Variants in BACE2 observed in about 807,000 individuals in gnomAD.
The protein encoded by BACE2 is 56 kDa aspartic-like protease.
BACE2 carries 17 observed loss-of-function variants against 46.2 expected under a neutral mutation model. That is an observed-to-expected ratio of 0.37 (90% CI 0.25 to 0.55). The LOEUF (loss-of-function observed/expected upper bound fraction) is 0.55. BACE2 is among the 20% of genes least tolerant of loss of function. The pLI, the probability that BACE2 is intolerant of heterozygous loss-of-function variation, is 0.82. For missense variants in BACE2, 595 were observed against 698.1 expected (o/e 0.85, Z 1.66); for synonymous variants, 277 against 295.9 (o/e 0.94, Z 0.66).
At chr21:41,241,673 C>T (rs1987291919) in intron 3 of BACE2, 146 bp from the exon 4 acceptor site, 1 of 868,418 alleles carries the variant, frequency 1.2e-6, no homozygotes, top group Admixed American at 2.8e-5. Flanking sequence ...ATTCCTAGAC[C>T]CAATCACAAG....
At chr21:41,263,669 G>A (rs1987996529) in intron 8 of BACE2, among the ~76,000 whole-genome samples, 1 of 152,214 alleles carries the variant, frequency 6.6e-6, no homozygotes, top group Non-Finnish European at 1.5e-5. Context: ...CTCTGGCTGT[G>A]ATGATTGCTG....
chr21:41,200,428 G>A (rs1305898008), intron 1 of BACE2, among the ~76,000 whole-genome samples: 4 of 152,160 alleles, frequency 2.6e-5, no homozygotes, highest in African/African-American at 4.8e-5. Context: ...TGTGGACTCC[G>A]CTGTCTTCAT....
chr21:41,246,036 G>A lies in BACE2; in HGVS notation c.957G>A (p.Val319=). Residue 319 remains valine, a synonymous_variant, in exon 6 of 9, where the codon GTG becomes GTA. Coordinates refer to ENST00000330333, the MANE Select transcript of BACE2 (RefSeq NM_012105.5). ...TGCCCCAGAAGGTGTTTGATGCGGT[G>A]GTGGAAGCTGTGGCCCGCGCATCTC... is the stretch of plus-strand genomic sequence containing the variant. ...LRLPQKVFDA[V]VEAVARASLI... 6.2e-7 allele frequency: 1 copy of A among 1,608,596 alleles called. No individual in the cohort carries two copies. Among genetic ancestry groups the A allele is most frequent in the Non-Finnish European group, 8.5e-7 (1 of 1,177,582 alleles).
intron 8 of BACE2, among the ~76,000 whole-genome samples, chr21:41,261,441 C>G (rs1987932709): frequency 6.6e-6 from 1 of 152,106 alleles, no homozygotes; most frequent in Non-Finnish European, 1.5e-5. Flanking sequence ...GCACATTTTT[C>G]TACCCATACT....
intron 1 of BACE2, chr21:41,175,265 A>C (rs1984777788): frequency 1.3e-5 from 2 of 152,250 alleles, no homozygotes. Flanking sequence ...TATGGCAATC[A>C]TATACCTGCA....
intron 1 of BACE2, chr21:41,182,739 A>G (rs1985185328): frequency 6.0e-6 from 1 of 167,096 alleles, no homozygotes; most frequent in African/African-American, 2.4e-5. Context: ...CATCTACAAC[A>G]TAGCTGAATT....
intron 6 of BACE2, 109 bp from the exon 7 acceptor site, chr21:41,250,643 A>T: frequency 5.3e-6 from 5 of 950,434 alleles, no homozygotes; most frequent in Non-Finnish European, 8.2e-6. Context: ...CAAATTAAAC[A>T]TTGTTTATCC....
chr21:41,245,695 G>A (rs1987445039), intron 5 of BACE2, among the ~76,000 whole-genome samples: 1 of 152,266 alleles, frequency 6.6e-6, no homozygotes, highest in Non-Finnish European at 1.5e-5. Context: ...AAAGAGCTGT[G>A]CCTTGGGAGG....
At position 41,220,079 on chromosome 21, in the gene BACE2, G is replaced by C. The variant is rs187408529; in HGVS notation, c.313-6187G>C. 2.0e-5 allele frequency among the ~76,000 whole-genome samples: 3 copies of C among 152,252 alleles called. No homozygotes were observed. In the East Asian group the frequency reaches 5.8e-4, roughly 29 times the overall value. Reference sequence around the variant, plus strand: ...ATTTCCAGGATCCTATCCTTGGTTTGATTAATTTGCTAGATTTACTCACAG... The same window carrying C: ...ATTTCCAGGATCCTATCCTTGGTTTCATTAATTTGCTAGATTTACTCACAG... On this transcript the variant is annotated intron_variant, in intron 1 of 8. Coordinates refer to ENST00000330333, the MANE Select transcript of BACE2 (RefSeq NM_012105.5).
chr21:41,226,417 A>C (rs1986820774), intron 2 of BACE2, 63 bp downstream of exon 2: 1 of 1,422,912 alleles, frequency 7.0e-7, no homozygotes, highest in East Asian at 2.3e-5. Context: ...CATGCTTCAA[A>C]ATGCACCAGA....
intron 1 of BACE2, among the ~76,000 whole-genome samples, chr21:41,213,921 G>A (rs945866613): frequency 6.6e-6 from 1 of 152,170 alleles, no homozygotes; most frequent in African/African-American, 2.4e-5. Flanking sequence ...TTGTCCAGAG[G>A]TTTTAGTGCC....
chr21:41,257,967 C>T (rs574544238), intron 8 of BACE2, among the ~76,000 whole-genome samples: 13 of 152,224 alleles, frequency 8.5e-5, no homozygotes, highest in South Asian at 4.2e-4. Context: ...GTGCTCACAC[C>T]ACACACGGCT....
intron 1 of BACE2, among the ~76,000 whole-genome samples, chr21:41,198,123 C>T (rs1985805689): frequency 6.6e-6 from 1 of 152,068 alleles, no homozygotes; most frequent in African/African-American, 2.4e-5. Context: ...CCCCAAGTAG[C>T]TGGAAATACA....
At chr21:41,201,347 A>T (rs1390826902) in intron 1 of BACE2, among the ~76,000 whole-genome samples, 2 of 152,270 alleles carry the variant, frequency 1.3e-5, no homozygotes, top group East Asian at 3.8e-4. Context: ...ATCAAGACAC[A>T]TCCCACTTGG....
At chr21:41,256,145 G>A (rs1987782051) in intron 7 of BACE2, among the ~76,000 whole-genome samples, 1 of 151,892 alleles carries the variant, frequency 6.6e-6, no homozygotes, top group South Asian at 2.1e-4. Context: ...GAATGTGCAG[G>A]TTTGTTACAT....
chr21:41,262,272 CTTAA>C (rs1987958746), intron 8 of BACE2, among the ~76,000 whole-genome samples: 1 of 152,108 alleles, frequency 6.6e-6, no homozygotes, highest in Admixed American at 6.5e-5. Context: ...AGTCTAGAGG[CTTAA>C]TTAGACTTGA....
At chr21:41,200,895 A>G (rs1404440659) in intron 1 of BACE2, among the ~76,000 whole-genome samples, 2 of 152,338 alleles carry the variant, frequency 1.3e-5, no homozygotes, top group South Asian at 4.1e-4. Flanking sequence ...TAAGCTGCCC[A>G]GTCTGCGGTG....
intron 1 of BACE2, among the ~76,000 whole-genome samples, chr21:41,202,514 C>T (rs1985995243): frequency 6.6e-6 from 1 of 152,302 alleles, no homozygotes; most frequent in Non-Finnish European, 1.5e-5. Flanking sequence ...CTGGACGTTT[C>T]CTGGGGACAG....
At position 41,218,606 on chromosome 21, in the gene BACE2, A is replaced by G. The variant is rs952571516; in HGVS notation, c.313-7660A>G. Among the ~76,000 whole-genome samples, 4 of 152,080 alleles carry G rather than the reference A, an allele frequency of 2.6e-5. No individual in the cohort carries two copies. The East Asian group carries it at 7.7e-4, about 29-fold the overall frequency. ...AACAAATCTTGAAAATATATAAACA[A>G]CAGTGTAACCTATGGAGAGGTTGGT... On this transcript the variant is annotated intron_variant, in intron 1 of 8. Transcript: ENST00000330333.
Sources: gnomAD v4.1 joint callset for allele counts (sites outside exome capture counted in the v4.1 genomes callset) on GRCh38, gnomAD v4.1.1 for gene constraint, MANE v1.5 for transcripts, NCBI Gene and HGNC (gene_info 2026-07-23, HGNC 2026-07-21) for gene names.